Variants in ADGRB1 observed in about 807,000 individuals in gnomAD.
The protein encoded by ADGRB1 is brain-specific angiogenesis inhibitor 1.
A neutral mutation model predicts 175.7 loss-of-function variants in ADGRB1; 36 were observed. The ratio of observed to expected loss-of-function variants is 0.20; its 90% CI spans 0.16 to 0.27. ADGRB1 has a LOEUF of 0.27. Ranked by LOEUF, ADGRB1 falls within the 10% of genes least tolerant of loss-of-function variation. ADGRB1 has a pLI of 1.00. For missense variants in ADGRB1, 1,731 were observed against 2,255.3 expected (o/e 0.77, Z 4.71); for synonymous variants, 1,054 against 979.4 (o/e 1.08, Z -1.42).
At chr8:142,468,332 G>T (rs192388008) in intron 2 of ADGRB1, among the ~76,000 whole-genome samples, 154 of 152,312 alleles carry the variant, frequency 1.0e-3, no homozygotes, top group African/African-American at 3.5e-3. Context: ...CAGAACACAG[G>T]TAAAGGCTGT....
intron 18 of ADGRB1, among the ~76,000 whole-genome samples, chr8:142,512,051 A>G (rs1298084782): frequency 6.6e-6 from 1 of 152,202 alleles, no homozygotes; most frequent in African/African-American, 2.4e-5. Flanking sequence ...GTTCTCTGGA[A>G]AAGTGGGGGG....
At chr8:142,509,285 T>C (rs34649257) in intron 17 of ADGRB1, among the ~76,000 whole-genome samples, 20,168 of 152,144 alleles carry the variant, frequency 0.13, 2,715 homozygotes, top group African/African-American at 0.35. Flanking sequence ...AGTGGGTGCT[T>C]CCCTCTGGAC....
At chr8:142,517,351 CG>C (rs1461661372) in intron 18 of ADGRB1, among the ~76,000 whole-genome samples, 2 of 152,214 alleles carry the variant, frequency 1.3e-5, no homozygotes, top group African/African-American at 2.4e-5. Context: ...CAGGTCACCC[CG>C]GCACCCGGAT....
At chr8:142,480,292 G>C (rs1841264392) in intron 9 of ADGRB1, among the ~76,000 whole-genome samples, 1 of 152,186 alleles carries the variant, frequency 6.6e-6, no homozygotes, top group Admixed American at 6.5e-5. Context: ...ATGGGAGCCT[G>C]GGTTCAAACT....
At chr8:142,523,115 T>G (rs1843948481) in intron 22 of ADGRB1, among the ~76,000 whole-genome samples, 1 of 152,164 alleles carries the variant, frequency 6.6e-6, no homozygotes, top group Non-Finnish European at 1.5e-5. Flanking sequence ...AGCAGGCCTG[T>G]GGCAGGCAGG....
chr8:142,464,916 G>A lies in ADGRB1; in HGVS notation c.718G>A (p.Val240Met). 1 of 1,529,746 alleles carries A rather than the reference G, an allele frequency of 6.5e-7. No individual in the cohort carries two copies. The highest frequency in any genetic ancestry group is 1.7e-4 in the Middle Eastern group (1 of 5,786). 94.8% of individuals were successfully genotyped at this position (1,529,746 alleles called of 1,614,324 possible). A position where few individuals can be genotyped will look rare whatever the true frequency, so the allele number is the denominator to read the frequency against. ...PRGDVCLRDA[V>M]AGGPENCLTS... ...CGGGGATGTCTGCTTGAGAGATGCG[G>A]TGGCTGGTGGCCCTGAAAACTGCCT... Residue 240 changes from valine (V) to methionine (M), a missense_variant, in exon 2 of 31, where the codon GTG becomes ATG. By Grantham distance (21) the Val-to-Met change is conservative. This residue lies in a region of ADGRB1 where 383 missense variants were observed against 383.1 expected (regional missense o/e 1.00). Coordinates refer to ENST00000517894, the MANE Select transcript of ADGRB1 (RefSeq NM_001702.3).
chr8:142,475,505 A>C lies in ADGRB1; in HGVS notation c.816A>C (p.Glu272Asp). 7.7e-7 allele frequency: 1 copy of C among 1,295,490 alleles called. No individual in the cohort carries two copies. The highest frequency in any genetic ancestry group is 9.8e-7 in the Non-Finnish European group (1 of 1,020,528). The allele number at this position is 1,295,490 out of a possible 1,614,324, so 80.2% of individuals were successfully genotyped here. Residue 272 changes from glutamate (E) to aspartate (D), a missense_variant, in exon 3 of 31, where the codon GAA becomes GAC. This residue lies in a region of ADGRB1 where 178 missense variants were observed against 227.8 expected (regional missense o/e 0.78). Transcript: ENST00000517894. Reference sequence around the variant, plus strand: ...GGAAGCTGTGGTCCCTGTGGGGCGAATGCACGCGGGACTGCGGGGGAGGCC... The same window carrying C: ...GGAAGCTGTGGTCCCTGTGGGGCGACTGCACGCGGGACTGCGGGGGAGGCC... ...GGWKLWSLWG[E>D]CTRDCGGGLQ...
intron 1 of ADGRB1, among the ~76,000 whole-genome samples, chr8:142,454,882 G>A (rs2131621239): frequency 6.6e-6 from 1 of 152,200 alleles, no homozygotes; most frequent in Non-Finnish European, 1.5e-5. Flanking sequence ...ACAGAGCCCT[G>A]GTCCTCTTGC....
intron 13 of ADGRB1, among the ~76,000 whole-genome samples, chr8:142,488,133 CG>C (rs1841781398): frequency 6.6e-6 from 1 of 152,184 alleles, no homozygotes; most frequent in African/African-American, 2.4e-5. Context: ...GGACCAGGAC[CG>C]GCCCAGCCTC....
rs1840132626 is a variant in ADGRB1, at chr8:142,464,363, C to G, written c.165C>G (p.Phe55Leu). Reference protein sequence around the residue: ...TLVQGKFFGYFSAAAVFPANA... With the variant: ...TLVQGKFFGYLSAAAVFPANA... ...TGCAGGGAAAGTTCTTCGGCTACTT[C>G]TCCGCGGCCGCCGTGTTCCCGGCCA... The change falls in exon 2 of 31, where the codon TTC becomes TTG. Residue 55 changes from phenylalanine to leucine, a missense_variant. Coordinates refer to ENST00000517894, the MANE Select transcript of ADGRB1 (RefSeq NM_001702.3). 4 of 1,521,436 alleles carry G rather than the reference C, an allele frequency of 2.6e-6. No individual in the cohort carries two copies. The highest frequency in any genetic ancestry group is 3.5e-6 in the Non-Finnish European group (4 of 1,139,064). 94.2% of individuals were successfully genotyped at this position (1,521,436 alleles called of 1,614,324 possible). A position where few individuals can be genotyped will look rare whatever the true frequency, so the allele number is the denominator to read the frequency against.
chr8:142,526,544 G>A lies in ADGRB1; in HGVS notation c.3315G>A (p.Val1105=), dbSNP rs1844213298. The A allele has an allele frequency of 1.9e-6, 3 of 1,599,636 alleles. No individual in the cohort carries two copies. Among genetic ancestry groups the A allele is most frequent in the Non-Finnish European group, 8.5e-7 (1 of 1,172,704 alleles). The part of the protein sequence containing the change: ...FVGPAAAVVL[V]NMVIGILVFN... ...CCCCACCACTCTCTGCCCGGCAGGT[G>A]AACATGGTCATTGGGATCCTGGTGT... is the stretch of plus-strand genomic sequence containing the variant. The change falls in exon 24 of 31, where the codon GTG becomes GTA. Residue 1105 remains valine, a splice_region_variant and synonymous_variant. Transcript: ENST00000517894.
chr8:142,470,413 A>ATGTGTCC, intron 2 of ADGRB1, among the ~76,000 whole-genome samples: 1 of 150,970 alleles, frequency 6.6e-6, no homozygotes, highest in East Asian at 2.0e-4. Flanking sequence ...GTGTGTCCCT[A>ATGTGTCC]TGTGTCCCCG....
chr8:142,458,630 C>T (rs988621924), intron 1 of ADGRB1, among the ~76,000 whole-genome samples: 5 of 152,160 alleles, frequency 3.3e-5, no homozygotes, highest in African/African-American at 9.7e-5. Flanking sequence ...GGCCCTCACC[C>T]TGTCACCTCT....
At chr8:142,490,475 C>G (rs1015473515) in intron 16 of ADGRB1, among the ~76,000 whole-genome samples, 1 of 152,222 alleles carries the variant, frequency 6.6e-6, no homozygotes, top group African/African-American at 2.4e-5. Flanking sequence ...CTACTTCATA[C>G]CAGAGACGGA....
chr8:142,521,267 G>A (rs575393242), intron 20 of ADGRB1, among the ~76,000 whole-genome samples: 64 of 152,128 alleles, frequency 4.2e-4, no homozygotes, highest in Non-Finnish European at 8.1e-4. Context: ...CACTCAAGAC[G>A]AGTGGCACTG....
chr8:142,512,992 A>G (rs1274402276), intron 18 of ADGRB1, among the ~76,000 whole-genome samples: 8 of 151,550 alleles, frequency 5.3e-5, no homozygotes, highest in African/African-American at 1.9e-4. Flanking sequence ...GGAGGCAGCC[A>G]GATACACAGT....
In ADGRB1 at chr8:142,503,969, G is replaced by A. The variant is rs575639262; in HGVS notation, c.2676-6963G>A. Among the ~76,000 whole-genome samples the A allele has an allele frequency of 4.6e-3, 706 of 152,252 alleles. 4 individuals are homozygous for A. Among genetic ancestry groups the A allele is most frequent in the Middle Eastern group, 6.8e-3 (2 of 294 alleles). On this transcript the variant is annotated intron_variant, in intron 17 of 30. Coordinates refer to ENST00000517894, the MANE Select transcript of ADGRB1 (RefSeq NM_001702.3). ...TCGGTGCTGAGGGAGGCTCAGACAT[G>A]GGCAGCTCTGGGAGAAGCCCAGGAG...
At chr8:142,454,070 G>C (rs1025531317) in intron 1 of ADGRB1, among the ~76,000 whole-genome samples, 1 of 152,186 alleles carries the variant, frequency 6.6e-6, no homozygotes, top group Non-Finnish European at 1.5e-5. Context: ...AGCCATAGGA[G>C]GGTCTCGAAC....
chr8:142,494,221 C>T (rs1842111437), intron 17 of ADGRB1, among the ~76,000 whole-genome samples: 1 of 152,122 alleles, frequency 6.6e-6, no homozygotes, highest in South Asian at 2.1e-4. Context: ...GAGTTTTTAC[C>T]CTGTTCACAC....
Sources: gnomAD v4.1 joint callset for allele counts (sites outside exome capture counted in the v4.1 genomes callset) on GRCh38, gnomAD v4.1.1 for gene constraint, gnomAD v4.1.1 regional missense constraint, MANE v1.5 for transcripts, NCBI Gene and HGNC (gene_info 2026-07-23, HGNC 2026-07-21) for gene names.